MARCHF1: variants seen among roughly 807,000 people sequenced by gnomAD.
MARCHF1 encodes membrane associated ring-CH-type finger 1.
A neutral mutation model predicts 54.2 loss-of-function variants in MARCHF1; 40 were observed. The ratio of observed to expected loss-of-function variants is 0.74; its 90% CI spans 0.57 to 0.96. The LOEUF (loss-of-function observed/expected upper bound fraction) is 0.96. MARCHF1 is among the 40% of genes least tolerant of loss of function. MARCHF1 has a pLI of 0.00. For missense variants in MARCHF1, 586 were observed against 656.5 expected, an observed-to-expected ratio of 0.89 and a Z score of 1.17; for synonymous variants, 236 against 236.3, an observed-to-expected ratio of 1.00 and a Z score of 0.01.
chr4:163,987,715 G>A (rs1752897358), intron 3 of MARCHF1, among the ~76,000 whole-genome samples: 2 of 152,156 alleles, frequency 1.3e-5, no homozygotes, highest in Admixed American at 1.3e-4. Context: ...CCTTTTAGGG[G>A]AACACGACAA....
intron 3 of MARCHF1, among the ~76,000 whole-genome samples, chr4:163,910,207 T>C (rs1751160217): frequency 6.6e-6 from 1 of 152,204 alleles, no homozygotes; most frequent in Non-Finnish European, 1.5e-5. Flanking sequence ...TACAAATATA[T>C]AATACATATT....
At chr4:164,195,842 A>G (rs1367876342) in intron 1 of MARCHF1, among the ~76,000 whole-genome samples, 2 of 152,118 alleles carry the variant, frequency 1.3e-5, no homozygotes, top group Non-Finnish European at 2.9e-5. Flanking sequence ...GAAATTCTAT[A>G]TGCTTTTATT....
chr4:164,064,964 A>C (rs930372024), intron 2 of MARCHF1, among the ~76,000 whole-genome samples: 19 of 152,152 alleles, frequency 1.2e-4, no homozygotes, highest in African/African-American at 4.3e-4. Context: ...ATTGATTTGC[A>C]TATGTTGAAT....
At chr4:163,584,598 T>G (rs1258366520) in intron 8 of MARCHF1, 1 of 152,204 alleles carries the variant, frequency 6.6e-6, no homozygotes, top group Non-Finnish European at 1.5e-5. Flanking sequence ...CTAAAGGAAT[T>G]TTATGCATTA....
chr4:164,060,997 A>T (rs1467759363), intron 2 of MARCHF1, among the ~76,000 whole-genome samples: 1 of 152,160 alleles, frequency 6.6e-6, no homozygotes, highest in African/African-American at 2.4e-5. Flanking sequence ...ATACTCTAAC[A>T]ATGGTTGTGC....
chr4:163,864,627 A>T (rs897267847), intron 3 of MARCHF1, among the ~76,000 whole-genome samples: 1 of 151,966 alleles, frequency 6.6e-6, no homozygotes, highest in African/African-American at 2.4e-5. Flanking sequence ...TAATAGGAGA[A>T]ATGGGGTGTA....
chr4:164,021,079 CTTTT>C (rs58872172), intron 2 of MARCHF1, among the ~76,000 whole-genome samples: 56 of 141,642 alleles, frequency 4.0e-4, no homozygotes, highest in South Asian at 2.0e-3. Flanking sequence ...ATTTCTGTCC[CTTTT>C]TTTTTTTTTT....
At chr4:163,672,646 T>C (rs1330312232) in intron 5 of MARCHF1, among the ~76,000 whole-genome samples, 11 of 152,228 alleles carry the variant, frequency 7.2e-5, no homozygotes, top group Non-Finnish European at 2.9e-5. Context: ...TTAACTACCA[T>C]TGAAAACTAT....
intron 1 of MARCHF1, among the ~76,000 whole-genome samples, chr4:164,194,214 T>C (rs1029713430): frequency 3.3e-5 from 5 of 152,208 alleles, no homozygotes; most frequent in Non-Finnish European, 7.4e-5. Context: ...AAAAGAAACA[T>C]AATTTTAATT....
chr4:164,252,884 G>C (rs1464141616), intron 1 of MARCHF1, among the ~76,000 whole-genome samples: 2 of 152,096 alleles, frequency 1.3e-5, no homozygotes, highest in Non-Finnish European at 2.9e-5. Flanking sequence ...TTTCTTAGCA[G>C]TCCTAGAGTG....
chr4:163,638,108 G>T (rs1742410509), intron 5 of MARCHF1, among the ~76,000 whole-genome samples: 1 of 105,478 alleles, frequency 9.5e-6, no homozygotes, highest in Admixed American at 1.2e-4. Context: ...GGGGGGAGGG[G>T]GGAGGGATAG....
At chr4:163,619,182 G>C (rs1038617312) in intron 5 of MARCHF1, among the ~76,000 whole-genome samples, 2 of 152,170 alleles carry the variant, frequency 1.3e-5, no homozygotes, top group Admixed American at 6.5e-5. Flanking sequence ...ATCCTGAAAA[G>C]AATGAAAAGT....
chr4:163,593,513 T>C (rs538683098), intron 7 of MARCHF1, among the ~76,000 whole-genome samples: 4 of 152,328 alleles, frequency 2.6e-5, no homozygotes, highest in African/African-American at 9.6e-5. Context: ...TTATAACCTT[T>C]TAGCCTTTTT....
intron 1 of MARCHF1, among the ~76,000 whole-genome samples, chr4:164,136,272 G>GAGA (rs1756400591): frequency 8.2e-6 from 1 of 121,520 alleles, no homozygotes; most frequent in African/African-American, 3.2e-5. Context: ...AGTTGAAGTG[G>GAGA]AAAAAAAAAA....
chr4:164,140,475 C>A (rs965691339), intron 1 of MARCHF1, among the ~76,000 whole-genome samples: 5 of 152,052 alleles, frequency 3.3e-5, no homozygotes, highest in African/African-American at 9.7e-5. Context: ...GACCCCTCAC[C>A]CACAGATTAC....
chr4:164,256,533 AT>A (rs1336820150), intron 1 of MARCHF1, among the ~76,000 whole-genome samples: 1 of 151,868 alleles, frequency 6.6e-6, no homozygotes, highest in Non-Finnish European at 1.5e-5. Flanking sequence ...TTTCCAAAGA[AT>A]TAATTGAATA....
At chr4:163,781,732 T>G (rs1747471313) in intron 4 of MARCHF1, among the ~76,000 whole-genome samples, 1 of 151,978 alleles carries the variant, frequency 6.6e-6, no homozygotes, top group Non-Finnish European at 1.5e-5. Context: ...GCAGCAGGAG[T>G]AAGGAGAAAA....
chr4:164,298,307 G>C (rs6851226), intron 1 of MARCHF1, among the ~76,000 whole-genome samples: 13,990 of 151,914 alleles, frequency 0.092, 815 homozygotes, highest in African/African-American at 0.16. Flanking sequence ...ATGCTAAAAA[G>C]AGAATAAATA....
intron 4 of MARCHF1, among the ~76,000 whole-genome samples, chr4:163,731,740 C>G (rs113337310): frequency 3.2e-4 from 48 of 152,294 alleles, no homozygotes; most frequent in African/African-American, 1.1e-3. Context: ...GACACATTGT[C>G]TAGATATCAC....
Sources: gnomAD v4.1 joint callset for allele counts (sites outside exome capture counted in the v4.1 genomes callset) on GRCh38, gnomAD v4.1.1 for gene constraint, MANE v1.5 for transcripts, NCBI Gene and HGNC (gene_info 2026-07-23, HGNC 2026-07-21) for gene names.